PARD3B: variants seen among roughly 807,000 people sequenced by gnomAD.
PARD3B encodes par-3 family cell polarity regulator beta, also known as partitioning defective 3 homolog B.
A neutral mutation model predicts 130.2 loss-of-function variants in PARD3B; 103 were observed. That is an observed-to-expected ratio of 0.79 (90% CI 0.67 to 0.93). PARD3B has a LOEUF of 0.93. Ranked by LOEUF, PARD3B falls within the 40% of genes least tolerant of loss-of-function variation. The pLI is 0.00. For synonymous variants in PARD3B, 583 were observed against 553.2 expected (o/e 1.05, Z -0.76); for missense variants, 1,609 against 1,499.2 (o/e 1.07, Z -1.21).
intron 2 of PARD3B, among the ~76,000 whole-genome samples, chr2:204,831,815 A>G (rs984209168): frequency 8.6e-5 from 13 of 151,678 alleles, no homozygotes; most frequent in Admixed American, 7.9e-4. Context: ...AAGCTTCCAG[A>G]TTTTTTTTTA....
At chr2:205,209,401 G>C (rs2037499625) in intron 15 of PARD3B, among the ~76,000 whole-genome samples, 1 of 152,050 alleles carries the variant, frequency 6.6e-6, no homozygotes, top group Non-Finnish European at 1.5e-5. Flanking sequence ...CCTTTTTAAA[G>C]AACTTTTGTT....
intron 20 of PARD3B, among the ~76,000 whole-genome samples, chr2:205,484,120 A>G (rs1033385546): frequency 2.6e-5 from 4 of 152,178 alleles, no homozygotes; most frequent in Admixed American, 6.5e-5. Flanking sequence ...GGAAACAAGG[A>G]CAGTCACCCA....
chr2:204,706,377 A>C (rs967932592), intron 2 of PARD3B, among the ~76,000 whole-genome samples: 2 of 148,342 alleles, frequency 1.3e-5, no homozygotes, highest in African/African-American at 5.2e-5. Context: ...AAAAAAAAAA[A>C]AAGAAAAAGA....
intron 3 of PARD3B, among the ~76,000 whole-genome samples, chr2:204,987,390 T>G (rs1310981185): frequency 1.3e-5 from 2 of 152,224 alleles, no homozygotes; most frequent in African/African-American, 2.4e-5. Context: ...TGATAAAATA[T>G]GTGCTTTCAT....
Position 204,991,232 on chromosome 2 carries a change from C to T in PARD3B, c.394+25909C>T, listed in dbSNP as rs1240927324. Among the ~76,000 whole-genome samples the T allele has an allele frequency of 2.1e-5, 3 of 146,256 alleles. No individual in the cohort carries two copies. In the Admixed American group the frequency reaches 2.1e-4, roughly 10 times the overall value. Reference sequence around the variant, plus strand: ...CCAATGCTATCCCTCCCCCCTCCCCCCAACCCACCACAGTCCCCAGAGTGT... The same window carrying T: ...CCAATGCTATCCCTCCCCCCTCCCCTCAACCCACCACAGTCCCCAGAGTGT... On this transcript the variant is annotated intron_variant, in intron 3 of 22. Transcript: ENST00000406610.
At chr2:205,350,069 T>C (rs1159922263) in intron 18 of PARD3B, among the ~76,000 whole-genome samples, 2 of 152,146 alleles carry the variant, frequency 1.3e-5, no homozygotes, top group African/African-American at 4.8e-5. Context: ...AATGTTTCTT[T>C]AGTTAGATCA....
At chr2:205,466,142 G>A (rs531463783) in intron 20 of PARD3B, among the ~76,000 whole-genome samples, 5 of 152,156 alleles carry the variant, frequency 3.3e-5, no homozygotes, top group African/African-American at 4.8e-5. Flanking sequence ...TGACACTCAC[G>A]CTGCTGGTCC....
At chr2:204,596,038 G>T (rs935878940) in intron 1 of PARD3B, among the ~76,000 whole-genome samples, 1 of 152,172 alleles carries the variant, frequency 6.6e-6, no homozygotes, top group African/African-American at 2.4e-5. Context: ...AGACAATTAA[G>T]TAAAAACAAT....
rs962937482 is a variant in PARD3B, at chr2:205,582,149, C to G, written c.3260+28746C>G. Reference sequence around the variant, plus strand: ...CAGTGAGCAGGTTGCAAGGCTTGCACAAATCTACTTAGCTCATGTAAGTGA... The same window carrying G: ...CAGTGAGCAGGTTGCAAGGCTTGCAGAAATCTACTTAGCTCATGTAAGTGA... On this transcript the variant is annotated intron_variant, in intron 22 of 22. Coordinates refer to ENST00000406610, the MANE Select transcript of PARD3B (RefSeq NM_001302769.2). Among the ~76,000 whole-genome samples the G allele has an allele frequency of 3.3e-5, 5 of 152,268 alleles. No homozygotes were observed. The East Asian group carries it at 7.7e-4, about 24-fold the overall frequency.
chr2:204,671,745 A>G (rs2036311527), intron 1 of PARD3B, among the ~76,000 whole-genome samples: 1 of 152,178 alleles, frequency 6.6e-6, no homozygotes, highest in African/African-American at 2.4e-5. Flanking sequence ...ATAATTTTTA[A>G]AATTAAAATA....
chr2:204,780,741 GCAGTTA>G (rs1215400705), intron 2 of PARD3B, among the ~76,000 whole-genome samples: 1 of 152,144 alleles, frequency 6.6e-6, no homozygotes. Flanking sequence ...ACATATCTGT[GCAGTTA>G]CAGAGACCAG....
At position 204,630,647 on chromosome 2, in the gene PARD3B, C is replaced by T. The variant is rs1484103514; in HGVS notation, c.121-55534C>T. Reference sequence around the variant, plus strand: ...TGGATTCTATTTAATTTTTGGAGCACGATAAAGAGTTGTGATGGGAAGTGT... The same window carrying T: ...TGGATTCTATTTAATTTTTGGAGCATGATAAAGAGTTGTGATGGGAAGTGT... On this transcript the variant is annotated intron_variant, in intron 1 of 22. Transcript: ENST00000406610. 5.9e-5 allele frequency among the ~76,000 whole-genome samples: 9 copies of T among 152,050 alleles called. No homozygotes were observed. In the South Asian group the frequency reaches 1.0e-3, roughly 18 times the overall value.
rs142512917 is a variant in PARD3B at position 205,202,209 on chromosome 2, A to C, written c.2140+8889A>C. 3.3e-4 allele frequency among the ~76,000 whole-genome samples: 50 copies of C among 152,348 alleles called. 1 individual carries two copies. The East Asian group carries it at 8.7e-3, about 26-fold the overall frequency. On this transcript the variant is annotated intron_variant, in intron 15 of 22. Coordinates refer to ENST00000406610, the MANE Select transcript of PARD3B (RefSeq NM_001302769.2). ...TAGTAGTAGTAACTGAAATGTAGAA[A>C]TATAGATCACTATAATATAACTTGA...
At chr2:204,820,143 T>C (rs1381860249) in intron 2 of PARD3B, among the ~76,000 whole-genome samples, 1 of 142,246 alleles carries the variant, frequency 7.0e-6, no homozygotes, top group African/African-American at 2.7e-5. Flanking sequence ...TGGTGCAATC[T>C]CAGCTTACTG....
At position 205,578,013 on chromosome 2, in the gene PARD3B, A is replaced by T. The variant is rs116612223; in HGVS notation, c.3260+24610A>T. Among the ~76,000 whole-genome samples the T allele has an allele frequency of 8.7e-3, 1,323 of 152,320 alleles. 17 individuals are homozygous for T. Among genetic ancestry groups the T allele is most frequent in the Admixed American group, 0.02 (309 of 15,288 alleles). On this transcript the variant is annotated intron_variant, in intron 22 of 22. Transcript: ENST00000406610. ...ATTTTTCTGCTTTGTTGGAGTAAAT[A>T]TGGAGCTCGCCTCACTGGATTGGCT...
chr2:205,134,991 C>T (rs941303216), intron 10 of PARD3B, among the ~76,000 whole-genome samples: 3 of 152,124 alleles, frequency 2.0e-5, no homozygotes, highest in Non-Finnish European at 2.9e-5. Context: ...CGTTGTCTTG[C>T]AAAGTTAACA....
At chr2:205,203,481 A>C (rs187430330) in intron 15 of PARD3B, among the ~76,000 whole-genome samples, 1 of 150,262 alleles carries the variant, frequency 6.7e-6, no homozygotes, top group African/African-American at 2.5e-5. Flanking sequence ...ACTATACTAT[A>C]CTGGGATACA....
In PARD3B at chr2:205,500,761, A is replaced by T. The variant is rs565352435; in HGVS notation, c.3180+730A>T. 3.9e-5 allele frequency among the ~76,000 whole-genome samples: 6 copies of T among 152,352 alleles called. No individual in the cohort carries two copies. The South Asian group carries it at 1.2e-3, about 32-fold the overall frequency. On this transcript the variant is annotated intron_variant, in intron 21 of 22. Transcript: ENST00000406610. Reference sequence around the variant, plus strand: ...CATCAGATACATAGAACAGTGGCTGACATAGAGCTGGTGCTCAGTAATTGT... The same window carrying T: ...CATCAGATACATAGAACAGTGGCTGTCATAGAGCTGGTGCTCAGTAATTGT...
intron 1 of PARD3B, among the ~76,000 whole-genome samples, chr2:204,633,076 A>G (rs1159106192): frequency 1.3e-5 from 2 of 152,082 alleles, no homozygotes; most frequent in Non-Finnish European, 2.9e-5. Context: ...TACTCATGTC[A>G]TTTTCTTTGG....
Sources: allele counts gnomAD v4.1 joint callset (sites outside exome capture counted in the v4.1 genomes callset), GRCh38; gene constraint gnomAD v4.1.1; transcripts MANE v1.5; gene names NCBI Gene and HGNC (gene_info 2026-07-23, HGNC 2026-07-21).